Variants in ZNF341 observed in about 807,000 individuals in gnomAD.
ZNF341 encodes the protein zinc finger protein 341.
Under a neutral mutation model 87.7 loss-of-function variants are expected in ZNF341, and 52 were observed. The observed-to-expected ratio is 0.59, with a 90% CI of 0.47 to 0.75. The LOEUF (loss-of-function observed/expected upper bound fraction) is 0.75, where lower values mean the gene tolerates loss of function less well. ZNF341 is among the 30% of genes least tolerant of loss of function. The pLI is 0.00. For synonymous variants in ZNF341, 459 were observed against 472.7 expected, an observed-to-expected ratio of 0.97 and a Z score of 0.38; for missense variants, 977 against 1,145.9, an observed-to-expected ratio of 0.85 and a Z score of 2.13.
At chr20:33,776,821 A>ATTTG (rs965504967) in intron 10 of ZNF341, among the ~76,000 whole-genome samples, 8 of 151,406 alleles carry the variant, frequency 5.3e-5, no homozygotes, top group African/African-American at 9.7e-5. Context: ...TCCTAGGTAA[A>ATTTG]TTTGTTTGTT....
At chr20:33,753,447 A>C (rs913248030) in intron 5 of ZNF341, 24 bp downstream of exon 5, 4 of 1,559,614 alleles carry the variant, frequency 2.6e-6, no homozygotes, top group Non-Finnish European at 3.5e-6. Context: ...GCAGGGTGGA[A>C]GAGGACACTG....
rs773620992 is a variant in ZNF341 at position 33,753,436 on chromosome 20, G to T, written c.741+13G>T. The T allele has an allele frequency of 6.3e-7, 1 of 1,576,264 alleles. No individual in the cohort carries two copies. Among genetic ancestry groups the T allele is most frequent in the Non-Finnish European group, 8.6e-7 (1 of 1,162,006 alleles). On this transcript the variant is annotated intron_variant, in intron 5 of 14. Transcript: ENST00000375200. The stretch of plus-strand genomic sequence containing the variant: ...CCCACCCCTAGAGGTGAGCAGAGGG[G>T]GCAGGGTGGAAGAGGACACTGGTCA...
chr20:33,789,060 C>T, intron 13 of ZNF341, 86 bp downstream of exon 13: 1 of 1,037,882 alleles, frequency 9.6e-7, no homozygotes, highest in Non-Finnish European at 1.4e-6. Context: ...AGATGTCAGG[C>T]CTGAGGGCAG....
chr20:33,770,410 C>G, intron 10 of ZNF341, 118 bp downstream of exon 10: 2 of 1,054,582 alleles, frequency 1.9e-6, no homozygotes, highest in Non-Finnish European at 2.7e-6. Flanking sequence ...AAAGGAGAAA[C>G]CGAGGCTCCT....
intron 14 of ZNF341, 31 bp from the exon 15 acceptor site, chr20:33,790,957 T>C: frequency 6.3e-7 from 1 of 1,589,052 alleles, no homozygotes; most frequent in Non-Finnish European, 8.6e-7. Context: ...AAGGTCTGGA[T>C]GCTTCTCACT....
At chr20:33,790,174 C>T (rs372715095) in intron 14 of ZNF341, among the ~76,000 whole-genome samples, 3 of 151,294 alleles carry the variant, frequency 2.0e-5, no homozygotes, top group African/African-American at 2.4e-5. Flanking sequence ...CAGGTTCAAG[C>T]GATTCTCTTG....
chr20:33,764,033 T>C (rs901925511), intron 8 of ZNF341, among the ~76,000 whole-genome samples: 8 of 149,594 alleles, frequency 5.3e-5, no homozygotes, highest in African/African-American at 2.0e-4. Flanking sequence ...TTTTTTTTTT[T>C]TTTTTTTCTG....
intron 4 of ZNF341, 65 bp from the exon 5 acceptor site, chr20:33,753,107 T>C: frequency 6.3e-7 from 1 of 1,599,272 alleles, no homozygotes; most frequent in South Asian, 1.1e-5. Context: ...CAAATGTCCT[T>C]CCTTCCTGAT....
Position 33,770,245 on chromosome 20 carries a change from C to T in ZNF341, c.1575C>T (p.His525=), listed in dbSNP as rs1027909546. The T allele has an allele frequency of 2.5e-6, 4 of 1,614,026 alleles. No homozygotes were observed. Among genetic ancestry groups the T allele is most frequent in the Admixed American group, 1.7e-5 (1 of 59,986 alleles). The change falls in exon 10 of 15, where the codon CAC becomes CAT. Residue 525 remains histidine (H), a synonymous_variant. Coordinates refer to ENST00000375200, the MANE Select transcript of ZNF341 (RefSeq NM_001282933.2). ...LYDLGVHQYS[H]SLLPQHSPKK... is the part of the protein sequence containing the mutation. ...ACCTGGGCGTGCACCAGTACTCCCA[C>T]AGCCTCCTGCCACAGCACAGCCCCA... is the stretch of plus-strand genomic sequence containing the variant.
intron 3 of ZNF341, among the ~76,000 whole-genome samples, chr20:33,746,342 T>C (rs1457696757): frequency 6.7e-6 from 1 of 149,742 alleles, no homozygotes; most frequent in Non-Finnish European, 1.5e-5. Context: ...CAAGTGATTC[T>C]CCTGCCTCAG....
At chr20:33,736,976 G>T (rs892871005) in intron 1 of ZNF341, among the ~76,000 whole-genome samples, 2 of 152,172 alleles carry the variant, frequency 1.3e-5, no homozygotes, top group Non-Finnish European at 2.9e-5. Context: ...AAACACTTAG[G>T]GGGTGGCCAG....
chr20:33,771,869 G>A (rs1416343203), intron 10 of ZNF341, among the ~76,000 whole-genome samples: 1 of 151,506 alleles, frequency 6.6e-6, no homozygotes, highest in African/African-American at 2.4e-5. Context: ...AGAAAAATTA[G>A]CCAGGTGTGT....
chr20:33,732,197 G>C lies in ZNF341; in HGVS notation c.31+145G>C. 1 of 610,354 alleles carries C rather than the reference G, an allele frequency of 1.6e-6. No individual in the cohort carries two copies. Among genetic ancestry groups the C allele is most frequent in the Non-Finnish European group, 2.0e-6 (1 of 488,072 alleles). The allele number at this position is 610,354 out of a possible 1,614,324, so 37.8% of individuals were successfully genotyped here. A position where few individuals can be genotyped will look rare whatever the true frequency, so the allele number is the denominator to read the frequency against. On this transcript the variant is annotated intron_variant, in intron 1 of 14. Coordinates refer to ENST00000375200, the MANE Select transcript of ZNF341 (RefSeq NM_001282933.2). This position sits in a 1 kb window ranked among gnomAD's most constrained non-coding sequence, Gnocchi z 4.5. Reference sequence around the variant, plus strand: ...AACAGCCGCGGGGCGGGAGGGGCGCGGGCGGGAACAGCGCGGGAGCCGAGG... The same window carrying C: ...AACAGCCGCGGGGCGGGAGGGGCGCCGGCGGGAACAGCGCGGGAGCCGAGG...
chr20:33,761,951 A>G lies in ZNF341; in HGVS notation c.1118A>G (p.Lys373Arg). Residue 373 changes from lysine (K) to arginine (R), a missense_variant, in exon 8 of 15, where the codon AAG becomes AGG. Transcript: ENST00000375200. Reference protein sequence around the residue: ...SNVKKHMQTHKVWPPGHSGGT... With the variant: ...SNVKKHMQTHRVWPPGHSGGT... ...GTTAAGAAACACATGCAGACCCACA[A>G]GGTGTGGCCTCCAGGACACAGTGGT... The G allele has an allele frequency of 4.3e-6, 7 of 1,609,398 alleles. No individual in the cohort carries two copies. Among genetic ancestry groups the G allele is most frequent in the Non-Finnish European group, 5.9e-6 (7 of 1,176,692 alleles).
intron 12 of ZNF341, chr20:33,788,619 C>T (rs950863998): frequency 5.8e-6 from 3 of 516,610 alleles, no homozygotes; most frequent in African/African-American, 5.8e-5. Flanking sequence ...CAGACCATCT[C>T]CCTGATGACC....
chr20:33,746,955 C>A (rs1405617475), intron 3 of ZNF341, among the ~76,000 whole-genome samples: 1 of 152,098 alleles, frequency 6.6e-6, no homozygotes, highest in African/African-American at 2.4e-5. Flanking sequence ...TGCCTGCCAA[C>A]CTTTAAACGG....
rs369840775 is a variant in ZNF341 at position 33,761,785 on chromosome 20, C to A, written c.1029-77C>A. The A allele has an allele frequency of 6.2e-5, 80 of 1,281,074 alleles. No individual in the cohort carries two copies. The African/African-American group carries it at 9.7e-4, about 15-fold the overall frequency. 79.4% of individuals were successfully genotyped at this position (1,281,074 alleles called of 1,614,324 possible). On this transcript the variant is annotated intron_variant, in intron 7 of 14. Coordinates refer to ENST00000375200, the MANE Select transcript of ZNF341 (RefSeq NM_001282933.2). ...ATCTGGATGTTCTTTCTGGGCCTTCCTTGTGGCTGTGAGCTCCTGGGCTGA... is the reference window on the plus strand; with the variant it reads ...ATCTGGATGTTCTTTCTGGGCCTTCATTGTGGCTGTGAGCTCCTGGGCTGA...
chr20:33,766,795 G>T, intron 8 of ZNF341, 56 bp from the exon 9 acceptor site: 1 of 1,536,092 alleles, frequency 6.5e-7, no homozygotes. Flanking sequence ...GGGGTTCTGT[G>T]CATCCTTCCT....
chr20:33,770,665 C>T (rs998016611), intron 10 of ZNF341, among the ~76,000 whole-genome samples: 1 of 151,976 alleles, frequency 6.6e-6, no homozygotes, highest in African/African-American at 2.4e-5. Flanking sequence ...ACAGTCAAAG[C>T]GGTACACCGG....
Sources: allele counts gnomAD v4.1 joint callset (sites outside exome capture counted in the v4.1 genomes callset), GRCh38; gene constraint gnomAD v4.1.1; non-coding constraint Gnocchi (gnomAD v3.1); transcripts MANE v1.5; gene names NCBI Gene and HGNC (gene_info 2026-07-23, HGNC 2026-07-21).